PAQR5: variants seen among roughly 807,000 people sequenced by gnomAD.
The protein encoded by PAQR5 is membrane progestin receptor gamma.
Under a neutral mutation model 34.5 loss-of-function variants are expected in PAQR5, and 20 were observed. That is an observed-to-expected ratio of 0.58 (90% CI 0.41 to 0.84). The LOEUF (loss-of-function observed/expected upper bound fraction) is 0.84, where lower values mean the gene tolerates loss of function less well. PAQR5 is among the 40% of genes least tolerant of loss of function. The pLI is 0.00. For missense variants in PAQR5, 378 were observed against 412.7 expected (o/e 0.92, Z 0.73); for synonymous variants, 131 against 155.6 (o/e 0.84, Z 1.18).
chr15:69,389,844 CTT>C lies in PAQR5; in HGVS notation c.512+66_512+67del, dbSNP rs1223415620. 3.8e-6 allele frequency: 6 copies of C among 1,564,624 alleles called. No homozygotes were observed. The Admixed American group carries it at 7.0e-5, about 18-fold the overall frequency. On this transcript the variant is annotated intron_variant, in intron 6 of 8. Transcript: ENST00000395407. ...GGTCTTGCATGCAGCTCCCTGCACT[CTT>C]TGAGGGAGCCGGGGAAGAGGTGGGC...
At chr15:69,310,765 G>T in intron 1 of PAQR5, among the ~76,000 whole-genome samples, 1 of 151,994 alleles carries the variant, frequency 6.6e-6, no homozygotes, top group East Asian at 1.9e-4. Context: ...TTGGCCAGGC[G>T]CGGTGGCTCA....
chr15:69,367,787 C>T (rs772268893), intron 3 of PAQR5, among the ~76,000 whole-genome samples: 12 of 152,136 alleles, frequency 7.9e-5, no homozygotes, highest in Non-Finnish European at 1.5e-4. Context: ...GTGAAGGAGG[C>T]GGGATTGTGC....
intron 2 of PAQR5, among the ~76,000 whole-genome samples, chr15:69,351,302 T>C (rs888567844): frequency 3.3e-5 from 5 of 152,260 alleles, no homozygotes; most frequent in Non-Finnish European, 7.3e-5. Flanking sequence ...TCGGCTTATG[T>C]ATTTGGCCTG....
chr15:69,335,151 G>A (rs1384918803), intron 1 of PAQR5, among the ~76,000 whole-genome samples: 3 of 151,742 alleles, frequency 2.0e-5, no homozygotes, highest in Admixed American at 2.0e-4. Context: ...TTGAACCCAG[G>A]AGGTGGAGGT....
chr15:69,349,645 T>TA (rs992722169), intron 2 of PAQR5, among the ~76,000 whole-genome samples: 48 of 151,848 alleles, frequency 3.2e-4, no homozygotes, highest in African/African-American at 1.1e-3. Context: ...TTTTTATTTT[T>TA]TTTTTTATTT....
At chr15:69,368,585 T>G (rs901823790) in intron 3 of PAQR5, among the ~76,000 whole-genome samples, 2 of 152,186 alleles carry the variant, frequency 1.3e-5, no homozygotes, top group Non-Finnish European at 2.9e-5. Context: ...TCTGGAGAAA[T>G]GTTCTCTGTG....
intron 3 of PAQR5, among the ~76,000 whole-genome samples, chr15:69,364,936 C>T (rs1026222474): frequency 6.6e-6 from 1 of 151,922 alleles, no homozygotes; most frequent in Admixed American, 6.6e-5. Context: ...TGGGGTTTCA[C>T]TATCTTGGCC....
intron 2 of PAQR5, among the ~76,000 whole-genome samples, chr15:69,345,635 G>C (rs1305466412): frequency 6.6e-6 from 1 of 152,066 alleles, no homozygotes; most frequent in Admixed American, 6.5e-5. Flanking sequence ...GCTATTTCAG[G>C]GGAACTCAGC....
chr15:69,311,882 C>A lies in PAQR5; in HGVS notation c.-277+12826C>A, dbSNP rs574276555. Among the ~76,000 whole-genome samples the A allele has an allele frequency of 1.7e-3, 254 of 152,240 alleles. 2 individuals are homozygous for A. Among genetic ancestry groups the A allele is most frequent in the African/African-American group, 6.0e-3 (248 of 41,532 alleles). On this transcript the variant is annotated intron_variant, in intron 1 of 8. Coordinates refer to ENST00000395407, the MANE Select transcript of PAQR5 (RefSeq NM_017705.4). ...GTTGCCTCCATCAATTAAAATCCTG[C>A]AGGTACAATTGAGACCACAAAGGAC... is the stretch of plus-strand genomic sequence containing the variant.
intron 2 of PAQR5, among the ~76,000 whole-genome samples, chr15:69,341,678 G>A (rs563976563): frequency 1.9e-4 from 29 of 152,142 alleles, no homozygotes; most frequent in African/African-American, 4.6e-4. Context: ...GCTTCAGGCC[G>A]TCGCACCTGT....
At chr15:69,380,121 G>A (rs2055842320) in intron 4 of PAQR5, 111 bp downstream of exon 4, 3 of 1,265,718 alleles carry the variant, frequency 2.4e-6, no homozygotes, top group Admixed American at 1.9e-5. Context: ...TGGGGTTTGG[G>A]GATCCCCCGT....
chr15:69,326,685 C>T (rs562204975), intron 1 of PAQR5, among the ~76,000 whole-genome samples: 2 of 152,324 alleles, frequency 1.3e-5, no homozygotes, highest in East Asian at 3.9e-4. Context: ...GATCTGCCTG[C>T]CTCGGCCTCC....
intron 5 of PAQR5, among the ~76,000 whole-genome samples, chr15:69,387,047 C>G (rs1265541330): frequency 6.6e-6 from 1 of 152,064 alleles, no homozygotes; most frequent in Non-Finnish European, 1.5e-5. Context: ...AGCGGCACTG[C>G]CCCTTTGTCT....
At chr15:69,402,896 G>C (rs1340299130) in intron 8 of PAQR5, among the ~76,000 whole-genome samples, 1 of 152,210 alleles carries the variant, frequency 6.6e-6, no homozygotes, top group Non-Finnish European at 1.5e-5. Context: ...CCCTGTCCCT[G>C]TCACTCCCAC....
rs1406066263 is a variant in PAQR5 at position 69,406,094 on chromosome 15, A to G, written c.*2272A>G. 1 of 152,258 alleles carries G rather than the reference A, an allele frequency of 6.6e-6. No individual in the cohort carries two copies. The highest frequency in any genetic ancestry group is 1.5e-5 in the Non-Finnish European group (1 of 68,050). 9.4% of individuals were successfully genotyped at this position (152,258 alleles called of 1,614,324 possible). ...AAAAGGTTGGCAGGGGGTCAGCTGA[A>G]GACCTCACTGGAGTGGGTCTTAATT... On this transcript the variant is annotated 3_prime_UTR_variant, in exon 9 of 9. Transcript: ENST00000395407.
intron 1 of PAQR5, among the ~76,000 whole-genome samples, chr15:69,322,141 C>T (rs1346877200): frequency 1.6e-5 from 2 of 124,858 alleles, no homozygotes; most frequent in East Asian, 5.8e-4. Flanking sequence ...GCCTGGGCAA[C>T]ATAGTGAGAC....
intron 1 of PAQR5, among the ~76,000 whole-genome samples, chr15:69,323,352 G>T (rs1237725120): frequency 6.6e-6 from 1 of 152,230 alleles, no homozygotes; most frequent in Non-Finnish European, 1.5e-5. Flanking sequence ...GTGAGGGAGG[G>T]ATCCCCCTCT....
rs1290117202 is a variant in PAQR5 at position 69,327,436 on chromosome 15, T to C, written c.-276-9905T>C. Among the ~76,000 whole-genome samples the C allele has an allele frequency of 3.9e-5, 6 of 152,248 alleles. No individual in the cohort carries two copies. In the East Asian group the frequency reaches 1.2e-3, roughly 29 times the overall value. On this transcript the variant is annotated intron_variant, in intron 1 of 8. Transcript: ENST00000395407. ...TCTCTCCACTCCTTAGAGCTTCCTG[T>C]CCCTACACATGGTCATCCTTTCATT...
chr15:69,403,229 T>G (rs2056690241), intron 8 of PAQR5, among the ~76,000 whole-genome samples: 1 of 152,266 alleles, frequency 6.6e-6, no homozygotes, highest in African/African-American at 2.4e-5. Context: ...CCCATATTGC[T>G]TCTTAAAAAT....
Sources: allele counts gnomAD v4.1 joint callset (sites outside exome capture counted in the v4.1 genomes callset), GRCh38; gene constraint gnomAD v4.1.1; transcripts MANE v1.5; gene names NCBI Gene and HGNC (gene_info 2026-07-23, HGNC 2026-07-21).